STK36: variants seen among roughly 807,000 people sequenced by gnomAD.
STK36 encodes serine/threonine-protein kinase 36.
In STK36, 116 loss-of-function variants were observed where a neutral mutation model predicts 142.2. That is an observed-to-expected ratio of 0.82 (90% CI 0.70 to 0.95). STK36 has a LOEUF of 0.95. Ranked by LOEUF, STK36 falls within the 40% of genes least tolerant of loss-of-function variation. The pLI, the probability that STK36 is intolerant of heterozygous loss-of-function variation, is 0.00. For missense variants in STK36, 1,422 were observed against 1,617.2 expected (o/e 0.88, Z 2.07); for synonymous variants, 619 against 641.7 (o/e 0.96, Z 0.53).
intron 8 of STK36, 60 bp downstream of exon 8, chr2:218,679,789 A>C: frequency 6.2e-7 from 1 of 1,610,470 alleles, no homozygotes; most frequent in Admixed American, 1.7e-5. Flanking sequence ...GAGTTAGAGG[A>C]GGAGGGTGAC....
rs556193869 is a variant in STK36 at position 218,695,470 on chromosome 2, C to T, written c.2511+835C>T. 1.5e-4 allele frequency among the ~76,000 whole-genome samples: 22 copies of T among 146,130 alleles called. No homozygotes were observed. The South Asian group carries it at 3.1e-3, about 20-fold the overall frequency. The stretch of plus-strand genomic sequence containing the variant: ...CGAACTCCTGACCTCACATGTGATC[C>T]GCCCACCTCGGCCTCTCAAAGTGCT... On this transcript the variant is annotated intron_variant, in intron 21 of 26. Transcript: ENST00000295709.
At chr2:218,698,450 G>A (rs1941316577) in intron 25 of STK36, 152 bp from the exon 26 acceptor site, 1 of 903,786 alleles carries the variant, frequency 1.1e-6, no homozygotes, top group Non-Finnish European at 1.7e-6. Flanking sequence ...GCTCCACGTT[G>A]TGTCTCATGT....
Position 218,679,875 on chromosome 2 carries a change from G to C in STK36, c.949-18G>C. On this transcript the variant is annotated intron_variant, in intron 8 of 26. Coordinates refer to ENST00000295709, the MANE Select transcript of STK36 (RefSeq NM_015690.5). ...AATCAAATAGCTCTGATTCAGTGTT[G>C]CCCCCTACCTCCCACAGAAACATCA... 1 of 1,610,692 alleles carries C rather than the reference G, an allele frequency of 6.2e-7. No individual in the cohort carries two copies. The highest frequency in any genetic ancestry group is 8.5e-7 in the Non-Finnish European group (1 of 1,177,934).
chr2:218,692,036 G>A, intron 14 of STK36, 107 bp from the exon 15 acceptor site: 1 of 1,369,532 alleles, frequency 7.3e-7, no homozygotes, highest in Non-Finnish European at 9.9e-7. Flanking sequence ...ACATGTGTTT[G>A]CTTTGGTTTT....
intron 22 of STK36, 56 bp from the exon 23 acceptor site, chr2:218,696,983 C>G (rs1941256855): frequency 5.6e-6 from 9 of 1,604,420 alleles, no homozygotes; most frequent in Middle Eastern, 3.3e-4. Flanking sequence ...TGAATAAAAG[C>G]ATTTGGATTC....
At chr2:218,675,195 A>T in intron 4 of STK36, 148 bp from the exon 5 acceptor site, 1 of 822,848 alleles carries the variant, frequency 1.2e-6, no homozygotes, top group Non-Finnish European at 1.8e-6. Flanking sequence ...AAACAAGGGG[A>T]ACAATAACTA....
chr2:218,676,328 C>T (rs1008843082), intron 6 of STK36, 50 bp downstream of exon 6: 20 of 1,600,464 alleles, frequency 1.2e-5, no homozygotes, highest in Non-Finnish European at 1.5e-5. Flanking sequence ...ATCTGTCTCC[C>T]TCTATCTCTG....
At chr2:218,674,020 A>G in intron 4 of STK36, 64 bp downstream of exon 4, 4 of 1,499,436 alleles carry the variant, frequency 2.7e-6, no homozygotes, top group Non-Finnish European at 3.7e-6. Flanking sequence ...GAACTGGTAG[A>G]GCAAGCTAAG....
chr2:218,698,737 T>C lies in STK36; in HGVS notation c.3193T>C (p.Phe1065Leu). 1.2e-6 allele frequency: 2 copies of C among 1,614,218 alleles called. No individual in the cohort carries two copies. Among genetic ancestry groups the C allele is most frequent in the Non-Finnish European group, 1.7e-6 (2 of 1,180,042 alleles). ...VSASPRTIVS[F>L]LSVALLSDQP... ...TGCCTCCCCTAGAACCATCGTCTCG[T>C]TTCTCTCAGTTGCCCTCCTGAGTGA... The change falls in exon 26 of 27, where the codon TTT becomes CTT. Residue 1065 changes from phenylalanine (F) to leucine (L), a missense_variant. Coordinates refer to ENST00000295709, the MANE Select transcript of STK36 (RefSeq NM_015690.5).
chr2:218,698,466 G>GC, intron 25 of STK36, 136 bp from the exon 26 acceptor site: 1 of 1,047,636 alleles, frequency 9.5e-7, no homozygotes. Flanking sequence ...CATGTGGAGT[G>GC]CTGTGGGGCA....
intron 11 of STK36, among the ~76,000 whole-genome samples, chr2:218,686,503 A>G (rs1266188755): frequency 1.3e-5 from 2 of 152,010 alleles, no homozygotes; most frequent in Non-Finnish European, 2.9e-5. Context: ...AAGTGGGCTC[A>G]AGTAATCCTC....
In STK36 at chr2:218,689,902, T is replaced by C. The variant is rs770533492; in HGVS notation, c.1604T>C (p.Ile535Thr). ...TTCTTACAGGACCTGATGGCTGTGA[T>C]TCAGGCCTACTTTGCCTGTACCTTC... is the stretch of plus-strand genomic sequence containing the variant. The part of the protein sequence containing the change: ...GTFLQDLMAV[I>T]QAYFACTFNL... Residue 535 changes from isoleucine (I) to threonine (T), a missense_variant, in exon 13 of 27, where the codon ATT (isoleucine) becomes ACT (threonine). This residue lies in a region of STK36 where 962 missense variants were observed against 1,167.5 expected (regional missense o/e 0.82). Coordinates refer to ENST00000295709, the MANE Select transcript of STK36 (RefSeq NM_015690.5). The C allele has an allele frequency of 1.9e-6, 3 of 1,608,764 alleles. No individual in the cohort carries two copies. Among genetic ancestry groups the C allele is most frequent in the African/African-American group, 2.7e-5 (2 of 74,876 alleles).
chr2:218,683,936 A>G (rs1216672322), intron 10 of STK36, among the ~76,000 whole-genome samples: 1 of 148,734 alleles, frequency 6.7e-6, no homozygotes, highest in Non-Finnish European at 1.5e-5. Context: ...ATGGCTGCAT[A>G]GTATTCCATG....
rs1940482320 is a variant in STK36, at chr2:218,680,780, G to A, written c.1236+78G>A. ...TAGGTAGATGTTTTTCTAGAACAGT[G>A]ATTCCCAACTCCCTAAGTATGAGCT... On this transcript the variant is annotated intron_variant, in intron 10 of 26. Transcript: ENST00000295709. The A allele has an allele frequency of 7.2e-6, 9 of 1,251,082 alleles. No individual in the cohort carries two copies. The South Asian group carries it at 1.2e-4, about 17-fold the overall frequency. The allele number at this position is 1,251,082 out of a possible 1,614,324, so 77.5% of individuals were successfully genotyped here.
chr2:218,689,715 ACT>A, intron 12 of STK36, 142 bp from the exon 13 acceptor site: 2 of 646,102 alleles, frequency 3.1e-6, no homozygotes, highest in South Asian at 2.2e-5. Flanking sequence ...TACCCCTAGA[ACT>A]CTCTCTCTGC....
Position 218,696,991 on chromosome 2 carries a change from T to C in STK36, c.2587-48T>C, listed in dbSNP as rs1465535. 0.011 allele frequency: 18,237 copies of C among 1,609,526 alleles called. 1,736 individuals carry two copies. In the African/African-American group the frequency reaches 0.21, roughly 19 times the overall value. ...ACAGGAATGAATAAAAGCATTTGGATTCCTGACTTCTGTCTTTCCCCCCGC... is the reference window on the plus strand; with the variant it reads ...ACAGGAATGAATAAAAGCATTTGGACTCCTGACTTCTGTCTTTCCCCCCGC... On this transcript the variant is annotated intron_variant, in intron 22 of 26. Coordinates refer to ENST00000295709, the MANE Select transcript of STK36 (RefSeq NM_015690.5).
rs151146462 is a variant in STK36 at position 218,675,444 on chromosome 2, G to A, written c.405G>A (p.Lys135=). 3.2e-5 allele frequency: 52 copies of A among 1,612,980 alleles called. No individual in the cohort carries two copies. In the African/African-American group the frequency reaches 4.7e-4, roughly 15 times the overall value. ...AGCCTCAGAACATCCTCCTCGCCAA[G>A]GGTGGTGGCATCAAGCTCTGTGACT... The part of the protein sequence containing the change: ...DMKPQNILLA[K]GGGIKLCDFG... Residue 135 remains lysine, a synonymous_variant, in exon 5 of 27, where the codon AAG becomes AAA. Coordinates refer to ENST00000295709, the MANE Select transcript of STK36 (RefSeq NM_015690.5).
At chr2:218,689,293 G>A (rs190738737) in intron 12 of STK36, among the ~76,000 whole-genome samples, 1 of 152,328 alleles carries the variant, frequency 6.6e-6, no homozygotes, top group African/African-American at 2.4e-5. Context: ...GCTTTGAAAT[G>A]TTAGATCCTA....
chr2:218,686,313 T>A (rs2433738), intron 11 of STK36, among the ~76,000 whole-genome samples: 82,062 of 151,436 alleles, frequency 0.54, 25,318 homozygotes, highest in African/African-American at 0.85. Context: ...GCTGGAGTGT[T>A]GTAGCACAAT....
Sources: gnomAD v4.1 joint callset for allele counts (sites outside exome capture counted in the v4.1 genomes callset) on GRCh38, gnomAD v4.1.1 for gene constraint, gnomAD v4.1.1 regional missense constraint, MANE v1.5 for transcripts, NCBI Gene and HGNC (gene_info 2026-07-23, HGNC 2026-07-21) for gene names.